Variants in GSE1 observed in about 807,000 individuals in gnomAD.
GSE1 encodes the protein genetic suppressor element 1.
A neutral mutation model predicts 112.6 loss-of-function variants in GSE1; 32 were observed. The ratio of observed to expected loss-of-function variants is 0.28; its 90% confidence interval spans 0.21 to 0.38. GSE1 has a LOEUF of 0.38. GSE1 is among the 10% of genes least tolerant of loss of function. The probability of loss-of-function intolerance (pLI) is 1.00; values close to 1 mark genes in which losing one functional copy is unlikely to be tolerated. For missense variants in GSE1, 2,348 were observed against 1,699.2 expected (o/e 1.38, Z -6.71); for synonymous variants, 1,115 against 735.6 (o/e 1.52, Z -8.35).
intron 2 of GSE1, among the ~76,000 whole-genome samples, chr16:85,643,486 T>G (rs2151833380): frequency 7.0e-6 from 1 of 142,802 alleles, no homozygotes; most frequent in Non-Finnish European, 1.5e-5. Context: ...CCCCTCTTAC[T>G]TCCTCACCCG....
intron 2 of GSE1, among the ~76,000 whole-genome samples, chr16:85,518,087 G>C (rs1271170146): frequency 6.6e-6 from 1 of 152,204 alleles, no homozygotes; most frequent in Non-Finnish European, 1.5e-5. Flanking sequence ...GCTGGAACTG[G>C]GCACAGCCGG....
intron 1 of GSE1, among the ~76,000 whole-genome samples, chr16:85,304,610 G>A (rs531934544): frequency 8.0e-6 from 1 of 124,574 alleles, no homozygotes; most frequent in Non-Finnish European, 1.7e-5. Flanking sequence ...GCGGGGGGGT[G>A]GGGCATCCCT....
intron 1 of GSE1, among the ~76,000 whole-genome samples, chr16:85,195,634 T>A (rs989371845): frequency 6.6e-6 from 1 of 152,192 alleles, no homozygotes; most frequent in Non-Finnish European, 1.5e-5. Context: ...GAGGTAAAGA[T>A]TCCAGGGGGT....
intron 1 of GSE1, among the ~76,000 whole-genome samples, chr16:85,225,410 C>G (rs2075467869): frequency 6.6e-6 from 1 of 152,136 alleles, no homozygotes; most frequent in African/African-American, 2.4e-5. Flanking sequence ...CTGGGAAGAG[C>G]AGGAGGCCAG....
chr16:85,436,960 G>A (rs2049260798), intron 2 of GSE1, among the ~76,000 whole-genome samples: 1 of 152,224 alleles, frequency 6.6e-6, no homozygotes, highest in South Asian at 2.1e-4. Context: ...GTGGGGATGG[G>A]GAGGGGAGGT....
At chr16:85,634,408 C>T (rs1398145720) in intron 2 of GSE1, among the ~76,000 whole-genome samples, 5 of 152,138 alleles carry the variant, frequency 3.3e-5, no homozygotes, top group Non-Finnish European at 5.9e-5. Flanking sequence ...CGAGGTGCTC[C>T]TACCAGCTCT....
chr16:85,379,822 C>T (rs1399845608), intron 2 of GSE1, among the ~76,000 whole-genome samples: 2 of 152,192 alleles, frequency 1.3e-5, no homozygotes, highest in African/African-American at 4.8e-5. Flanking sequence ...TCGCTGTGCT[C>T]CTCCCCCAGC....
chr16:85,245,426 G>T (rs1018246939), intron 1 of GSE1, among the ~76,000 whole-genome samples: 2 of 152,104 alleles, frequency 1.3e-5, no homozygotes, highest in African/African-American at 4.8e-5. Context: ...TGGTCCAGGG[G>T]CAGAGCCTCT....
chr16:85,601,289 AG>A (rs1215338882), intron 1 of GSE1, among the ~76,000 whole-genome samples: 1 of 151,182 alleles, frequency 6.6e-6, no homozygotes, highest in Non-Finnish European at 1.5e-5. Flanking sequence ...GTGGGAGGGG[AG>A]CAGCCCCAGG....
chr16:85,370,997 T>A (rs10048112), intron 2 of GSE1, among the ~76,000 whole-genome samples: 1 of 152,230 alleles, frequency 6.6e-6, no homozygotes, highest in Non-Finnish European at 1.5e-5. Flanking sequence ...CGCCCGGCGG[T>A]GGCTGGCTGT....
intron 1 of GSE1, among the ~76,000 whole-genome samples, chr16:85,293,963 G>T (rs946647095): frequency 6.6e-6 from 1 of 152,162 alleles, no homozygotes; most frequent in African/African-American, 2.4e-5. Flanking sequence ...CTGAAGTCTC[G>T]GGAGCAATGC....
intron 2 of GSE1, among the ~76,000 whole-genome samples, chr16:85,540,084 C>G (rs1274886764): frequency 6.6e-6 from 1 of 152,222 alleles, no homozygotes; most frequent in Non-Finnish European, 1.5e-5. Context: ...CTTCTGTCAG[C>G]TGTTGTGGCT....
intron 1 of GSE1, among the ~76,000 whole-genome samples, chr16:85,191,764 T>A (rs1424536783): frequency 6.6e-6 from 1 of 151,684 alleles, no homozygotes; most frequent in Non-Finnish European, 1.5e-5. Context: ...ACGCCCCGGG[T>A]GAGAAGGGCC....
At chr16:85,276,296 G>A (rs956084829) in intron 1 of GSE1, among the ~76,000 whole-genome samples, 13 of 151,982 alleles carry the variant, frequency 8.6e-5, no homozygotes, top group Admixed American at 4.6e-4. Context: ...TTGTTACAAC[G>A]GGTACTGCTG....
At chr16:85,349,430 C>T (rs1303465422) in intron 1 of GSE1, among the ~76,000 whole-genome samples, 1 of 152,180 alleles carries the variant, frequency 6.6e-6, no homozygotes, top group Non-Finnish European at 1.5e-5. Flanking sequence ...CGGGTCAGGA[C>T]AGCGGGAGAA....
At chr16:85,315,759 AC>A (rs1384033843) in intron 1 of GSE1, among the ~76,000 whole-genome samples, 1 of 152,250 alleles carries the variant, frequency 6.6e-6, no homozygotes, top group African/African-American at 2.4e-5. Context: ...TATACTAAAA[AC>A]GTATTCGTTG....
intron 5 of GSE1, among the ~76,000 whole-genome samples, chr16:85,655,477 C>G (rs2051838619): frequency 6.6e-6 from 1 of 152,208 alleles, no homozygotes; most frequent in African/African-American, 2.4e-5. Flanking sequence ...CTTGACCACT[C>G]TGTGCTGGTC....
chr16:85,427,404 GGCTGAGGTGGGTGGA>G (rs1242570020), intron 2 of GSE1, among the ~76,000 whole-genome samples: 1 of 152,234 alleles, frequency 6.6e-6, no homozygotes, highest in African/African-American at 2.4e-5. Flanking sequence ...CACTTTGGGA[GGCTGAGGTGGGTGGA>G]GCACCTGAGA....
chr16:85,320,149 C>T (rs573877422), intron 1 of GSE1, among the ~76,000 whole-genome samples: 2 of 152,214 alleles, frequency 1.3e-5, no homozygotes, highest in East Asian at 1.9e-4. Flanking sequence ...ATGTTGCTGC[C>T]GTTCTTGGGG....
Sources: allele counts gnomAD v4.1 joint callset (sites outside exome capture counted in the v4.1 genomes callset), GRCh38; gene constraint gnomAD v4.1.1; transcripts MANE v1.5; gene names NCBI Gene and HGNC (gene_info 2026-07-23, HGNC 2026-07-21).